The following RTN1 variants were observed in gnomAD, a reference collection of about 807,000 sequenced individuals.
RTN1 encodes the protein reticulon-1.
Under a neutral mutation model 65.5 loss-of-function variants are expected in RTN1, and 25 were observed. The ratio of observed to expected loss-of-function variants is 0.38; its 90% CI spans 0.28 to 0.53. RTN1 has a LOEUF of 0.53. RTN1 is among the 20% of genes least tolerant of loss of function. The pLI is 0.79. For synonymous variants in RTN1, 471 were observed against 447.6 expected (o/e 1.05, Z -0.66); for missense variants, 983 against 1,025.4 (o/e 0.96, Z 0.57).
intron 3 of RTN1, among the ~76,000 whole-genome samples, chr14:59,696,813 T>C (rs1884073012): frequency 6.6e-6 from 1 of 152,186 alleles, no homozygotes; most frequent in Non-Finnish European, 1.5e-5. Flanking sequence ...AAACAATTTT[T>C]CAGAATTTCC....
chr14:59,716,595 T>C (rs1884538295), intron 3 of RTN1, among the ~76,000 whole-genome samples: 1 of 152,140 alleles, frequency 6.6e-6, no homozygotes, highest in South Asian at 2.1e-4. Flanking sequence ...GATGTGAACA[T>C]TGTAAATTCA....
At chr14:59,598,894 C>T (rs770776834) in intron 8 of RTN1, among the ~76,000 whole-genome samples, 16 of 152,204 alleles carry the variant, frequency 1.1e-4, no homozygotes, top group African/African-American at 3.1e-4. Flanking sequence ...CTGCCCATTA[C>T]TATCAGATTT....
chr14:59,781,774 A>T (rs1256897356), intron 1 of RTN1, among the ~76,000 whole-genome samples: 10 of 152,172 alleles, frequency 6.6e-5, no homozygotes. Flanking sequence ...TGGGTATTTG[A>T]TTTGATTAAA....
intron 1 of RTN1, among the ~76,000 whole-genome samples, chr14:59,761,612 C>G (rs552171900): frequency 2.6e-5 from 4 of 152,260 alleles, no homozygotes; most frequent in African/African-American, 9.6e-5. Flanking sequence ...GAAGAAGACC[C>G]TAGAAAGGGA....
rs187689802 is a variant in RTN1, at chr14:59,830,262, T to C, written c.241+40128A>G. 5.3e-4 allele frequency among the ~76,000 whole-genome samples: 81 copies of C among 152,316 alleles called. 2 individuals carry two copies. The East Asian group carries it at 7.7e-3, about 15-fold the overall frequency. ...ATCTGAATTTTAAAGTGGCCAAAGATCTTCAGTGCCAACATTAAAGATGTT... is the reference window on the plus strand; with the variant it reads ...ATCTGAATTTTAAAGTGGCCAAAGACCTTCAGTGCCAACATTAAAGATGTT... On this transcript the variant is annotated intron_variant, in intron 1 of 8. Coordinates refer to ENST00000267484, the MANE Select transcript of RTN1 (RefSeq NM_021136.3).
Position 59,803,982 on chromosome 14 carries a change from G to A in RTN1, c.242-57501C>T, listed in dbSNP as rs940106493. ...ATGCTGTACGTCAGTTTCCTCTCTT[G>A]TTAACATCTTACATGGTCTATTTGT... On this transcript the variant is annotated intron_variant, in intron 1 of 8. Transcript: ENST00000267484. The surrounding 1 kb of genome is among the most constrained non-coding windows in gnomAD (Gnocchi z 5.6). Among the ~76,000 whole-genome samples the A allele has an allele frequency of 2.0e-5, 3 of 152,150 alleles. No individual in the cohort carries two copies. The highest frequency in any genetic ancestry group is 2.9e-5 in the Non-Finnish European group (2 of 68,026).
chr14:59,829,058 G>A lies in RTN1; in HGVS notation c.241+41332C>T, dbSNP rs1887081619. Among the ~76,000 whole-genome samples, 2 of 152,088 alleles carry A rather than the reference G, an allele frequency of 1.3e-5. No homozygotes were observed. The highest frequency in any genetic ancestry group is 1.3e-4 in the Admixed American group (2 of 15,258). ...ATACTGAAGCAGCTGAATAATGATGGACTTTAGGACACTTAACCCCTCTAA... is the reference window on the plus strand; with the variant it reads ...ATACTGAAGCAGCTGAATAATGATGAACTTTAGGACACTTAACCCCTCTAA... On this transcript the variant is annotated intron_variant, in intron 1 of 8. Coordinates refer to ENST00000267484, the MANE Select transcript of RTN1 (RefSeq NM_021136.3). This position sits in a 1 kb window ranked among gnomAD's most constrained non-coding sequence, Gnocchi z 4.3.
intron 1 of RTN1, among the ~76,000 whole-genome samples, chr14:59,749,523 T>C (rs372013350): frequency 5.6e-5 from 2 of 35,556 alleles, no homozygotes; most frequent in African/African-American, 4.9e-4. Context: ...ATCTATATAT[T>C]TATATATATC....
intron 1 of RTN1, among the ~76,000 whole-genome samples, chr14:59,864,821 C>T (rs889893313): frequency 2.6e-5 from 4 of 152,148 alleles, no homozygotes; most frequent in African/African-American, 7.2e-5. Context: ...GTATTTTCTA[C>T]CCACCCCCAA....
chr14:59,778,595 G>A (rs1886096605), intron 1 of RTN1, among the ~76,000 whole-genome samples: 1 of 152,170 alleles, frequency 6.6e-6, no homozygotes, highest in African/African-American at 2.4e-5. Context: ...CTATTTGAGT[G>A]AGGGAAGTTT....
In RTN1 at chr14:59,870,585, C is replaced by G. The variant is rs570826259; in HGVS notation, c.46G>C (p.Gly16Arg). ...TGCCTGAGCCACTGGGACCCGGGGC[C>G]GGCCAGCGGCAGCAGCTCGTCCTGC... ...DPQDELLPLA[G>R]PGSQWLRHRG... The change falls in exon 1 of 9, where the codon GGC becomes CGC. Residue 16 changes from glycine to arginine, a missense_variant. By Grantham distance (125) the Gly-to-Arg change is moderately radical. This residue lies in a region of RTN1 where 818 missense variants were observed against 801.8 expected (regional missense o/e 1.02). Coordinates refer to ENST00000267484, the MANE Select transcript of RTN1 (RefSeq NM_021136.3). The surrounding 1 kb of genome is among the most constrained non-coding windows in gnomAD (Gnocchi z 5.1). 2,266 of 1,447,170 alleles carry G rather than the reference C, an allele frequency of 1.6e-3. 45 individuals are homozygous for G. In the South Asian group the frequency reaches 0.029, roughly 19 times the overall value. 89.6% of individuals were successfully genotyped at this position (1,447,170 alleles called of 1,614,324 possible). A position where few individuals can be genotyped will look rare whatever the true frequency, so the allele number is the denominator to read the frequency against.
intron 1 of RTN1, among the ~76,000 whole-genome samples, chr14:59,761,580 C>T (rs947271294): frequency 3.3e-5 from 5 of 152,156 alleles, no homozygotes; most frequent in Non-Finnish European, 7.3e-5. Context: ...CAGACTAATA[C>T]ATCTATCATT....
chr14:59,727,143 C>G lies in RTN1; in HGVS notation c.1541G>C (p.Arg514Pro). The change falls in exon 3 of 9, where the codon CGG becomes CCG. Residue 514 changes from arginine to proline, a missense_variant. Transcript: ENST00000267484. The surrounding 1 kb of genome is among the most constrained non-coding windows in gnomAD (Gnocchi z 4.2). ...GAAGGAACCCGGCTCGGCCAGGCCC[C>G]GCCGGCTTGGCGCACGCTCCTCGGC... is the stretch of plus-strand genomic sequence containing the variant. Reference protein sequence around the residue: ...VRAEERAPSRRGLAEPGSFLD... With the variant: ...VRAEERAPSRPGLAEPGSFLD... 6.2e-7 allele frequency: 1 copy of G among 1,602,276 alleles called. No homozygotes were observed. The highest frequency in any genetic ancestry group is 8.5e-7 in the Non-Finnish European group (1 of 1,174,558).
At chr14:59,754,484 G>A (rs1395366582) in intron 1 of RTN1, among the ~76,000 whole-genome samples, 1 of 152,160 alleles carries the variant, frequency 6.6e-6, no homozygotes, top group Non-Finnish European at 1.5e-5. Flanking sequence ...AGCTTAGGCA[G>A]TTTGTATTCT....
chr14:59,701,139 A>G, intron 3 of RTN1, among the ~76,000 whole-genome samples: 1 of 152,338 alleles, frequency 6.6e-6, no homozygotes, highest in Middle Eastern at 3.4e-3. Context: ...CATCATTAAA[A>G]TGCAAATCAA....
chr14:59,661,259 C>CA (rs768483248), intron 3 of RTN1, among the ~76,000 whole-genome samples: 35,425 of 83,394 alleles, frequency 0.42, 9,185 homozygotes, highest in Non-Finnish European at 0.44. Flanking sequence ...GCCTACCAAC[C>CA]AAAAAAAAAA....
Position 59,746,186 on chromosome 14 carries a change from G to A in RTN1, c.537C>T (p.Asn179=). Residue 179 remains asparagine (N), a synonymous_variant, in exon 2 of 9, where the codon AAC becomes AAT. Transcript: ENST00000267484. ...EMTPAESTEV[N]KILADPLDQM... is the part of the protein sequence containing the mutation. The stretch of plus-strand genomic sequence containing the variant: ...GGTCCAGAGGGTCTGCTAAGATCTT[G>A]TTCACTTCCGTGGACTCTGCAGGAG... 6.2e-7 allele frequency: 1 copy of A among 1,608,836 alleles called. No individual in the cohort carries two copies. The highest frequency in any genetic ancestry group is 8.5e-7 in the Non-Finnish European group (1 of 1,178,170).
At chr14:59,791,826 AGTCAGTTTTATAAAG>A (rs939166796) in intron 1 of RTN1, among the ~76,000 whole-genome samples, 6 of 152,022 alleles carry the variant, frequency 3.9e-5, no homozygotes, top group Non-Finnish European at 8.8e-5. Context: ...CTTTCCACCT[AGTCAGTTTTATAAAG>A]GTTAGCCTGG....
chr14:59,716,283 C>A (rs201140816), intron 3 of RTN1, among the ~76,000 whole-genome samples: 1 of 152,152 alleles, frequency 6.6e-6, no homozygotes, highest in Non-Finnish European at 1.5e-5. Context: ...TATTTTAAAT[C>A]CTGGTTCTTC....
Sources: gnomAD v4.1 joint callset for allele counts (sites outside exome capture counted in the v4.1 genomes callset) on GRCh38, gnomAD v4.1.1 for gene constraint, gnomAD v4.1.1 regional missense constraint, Gnocchi (gnomAD v3.1) non-coding constraint, MANE v1.5 for transcripts, NCBI Gene and HGNC (gene_info 2026-07-23, HGNC 2026-07-21) for gene names.